Variants in BABAM1 observed in about 807,000 individuals in gnomAD.
BABAM1 encodes the protein BRISC and BRCA1-A complex member 1.
In BABAM1, 14 loss-of-function variants were observed where a neutral mutation model predicts 34.4. That is an observed-to-expected ratio of 0.41 (90% CI 0.27 to 0.64). The LOEUF (loss-of-function observed/expected upper bound fraction) is 0.64, where lower values mean the gene tolerates loss of function less well. Ranked by LOEUF, BABAM1 falls within the 30% of genes least tolerant of loss-of-function variation. The probability of loss-of-function intolerance (pLI) is 0.34; values close to 1 mark genes in which losing one functional copy is unlikely to be tolerated. For missense variants in BABAM1, 393 were observed against 434.0 expected (o/e 0.91, Z 0.84); for synonymous variants, 169 against 165.8 (o/e 1.02, Z -0.15).
chr19:17,274,258 C>CT (rs2073882154), intron 5 of BABAM1, 73 bp downstream of exon 5: 7 of 1,560,100 alleles, frequency 4.5e-6, no homozygotes, highest in Non-Finnish European at 6.1e-6. Context: ...CCAGGAAAGT[C>CT]TAAGTCATGA....
In BABAM1 at chr19:17,279,163, G is replaced by C; in HGVS notation, c.*115G>C. The C allele has an allele frequency of 1.8e-6, 2 of 1,130,306 alleles. No individual in the cohort carries two copies. The highest frequency in any genetic ancestry group is 2.6e-5 in the East Asian group (1 of 38,600). 70.0% of individuals were successfully genotyped at this position (1,130,306 alleles called of 1,614,324 possible). A position where few individuals can be genotyped will look rare whatever the true frequency, so the allele number is the denominator to read the frequency against. ...GTGGGGGGGTTCCAGGAGGCACGTA[G>C]GGTACCTTGCAGGGTCCTAGGAGGG... On this transcript the variant is annotated 3_prime_UTR_variant, in exon 9 of 9. Coordinates refer to ENST00000598188, the MANE Select transcript of BABAM1 (RefSeq NM_014173.4).
At chr19:17,276,996 C>T in intron 8 of BABAM1, 87 bp downstream of exon 8, 7 of 1,290,448 alleles carry the variant, frequency 5.4e-6, no homozygotes, top group Non-Finnish European at 7.5e-6. Context: ...GGGTCTCTAC[C>T]TCCATTTGAT....
chr19:17,278,957 C>T lies in BABAM1; in HGVS notation c.899C>T (p.Ala300Val), dbSNP rs1568337338. ...CACAACTGCATGGCGAAACTGTTGG[C>T]CCACCCCCTGCAGCGGCCTTGCCAG... ...ELHNCMAKLL[A>V]HPLQRPCQSH... The change falls in exon 9 of 9, where the codon GCC (alanine) becomes GTC (valine). Residue 300 changes from alanine (A) to valine (V), a missense_variant. Ala to Val is a moderately conservative substitution (Grantham distance 64). Coordinates refer to ENST00000598188, the MANE Select transcript of BABAM1 (RefSeq NM_014173.4). The T allele has an allele frequency of 6.2e-7, 1 of 1,612,858 alleles. No homozygotes were observed. The highest frequency in any genetic ancestry group is 8.5e-7 in the Non-Finnish European group (1 of 1,179,532).
chr19:17,269,727 AT>A (rs1023530092), intron 2 of BABAM1, among the ~76,000 whole-genome samples: 80 of 137,788 alleles, frequency 5.8e-4, no homozygotes, highest in Admixed American at 5.8e-4. Flanking sequence ...TCTTTGCCCA[AT>A]TTTTTTTTTT....
chr19:17,272,569 T>G (rs943775677), intron 3 of BABAM1, among the ~76,000 whole-genome samples: 6 of 151,784 alleles, frequency 4.0e-5, no homozygotes, highest in Non-Finnish European at 8.8e-5. Context: ...CACGCCTGGC[T>G]AATTTTTTTG....
intron 3 of BABAM1, among the ~76,000 whole-genome samples, chr19:17,273,484 T>C (rs977531508): frequency 2.0e-5 from 3 of 151,600 alleles, no homozygotes; most frequent in Admixed American, 1.3e-4. Flanking sequence ...ACCCCTGCAG[T>C]ATGACCTATA....
At chr19:17,269,159 A>T in intron 2 of BABAM1, 68 bp downstream of exon 2, 2 of 1,450,918 alleles carry the variant, frequency 1.4e-6, no homozygotes, top group Non-Finnish European at 1.8e-6. Flanking sequence ...TTTGGGATTA[A>T]CACTGCAAAC....
At chr19:17,269,171 T>C in intron 2 of BABAM1, 80 bp downstream of exon 2, 1 of 1,420,130 alleles carries the variant, frequency 7.0e-7, no homozygotes, top group Non-Finnish European at 9.3e-7. Flanking sequence ...ACTGCAAACA[T>C]TCCCTTTGTA....
chr19:17,273,555 G>GT (rs1555716572), intron 3 of BABAM1, among the ~76,000 whole-genome samples: 5 of 13,228 alleles, frequency 3.8e-4, no homozygotes, highest in Non-Finnish European at 9.5e-4. Context: ...GTTTTTTTTT[G>GT]TTTGTTTTGT....
At position 17,276,873 on chromosome 19, in the gene BABAM1, T is replaced by C. The variant is rs1177155676; in HGVS notation, c.750T>C (p.Asn250=). 1 of 1,603,940 alleles carries C rather than the reference T, an allele frequency of 6.2e-7. No individual in the cohort carries two copies. Among genetic ancestry groups the C allele is most frequent in the East Asian group, 2.2e-5 (1 of 44,594 alleles). The change falls in exon 8 of 9, where the codon AAT becomes AAC. Residue 250 remains asparagine (N), a synonymous_variant. Coordinates refer to ENST00000598188, the MANE Select transcript of BABAM1 (RefSeq NM_014173.4). ...TCTTTGACGTTGTTTACATCCACAA[T>C]GGCACTGAGGAGAAGGAGGAGGAGA... ...YFFFDVVYIH[N]GTEEKEEEMS...
chr19:17,277,035 A>G (rs2073917839), intron 8 of BABAM1, 126 bp downstream of exon 8: 2 of 885,652 alleles, frequency 2.3e-6, no homozygotes, highest in African/African-American at 3.4e-5. Flanking sequence ...GGGGTAGGTC[A>G]TGGCATTGGT....
intron 2 of BABAM1, among the ~76,000 whole-genome samples, chr19:17,271,189 C>T (rs891978398): frequency 5.3e-5 from 8 of 152,020 alleles, no homozygotes; most frequent in African/African-American, 1.9e-4. Context: ...GGGGTTTCAC[C>T]ATGTTGGCCA....
At chr19:17,273,194 C>A (rs10402468) in intron 3 of BABAM1, among the ~76,000 whole-genome samples, 24,282 of 152,068 alleles carry the variant, frequency 0.16, 2,126 homozygotes, top group Non-Finnish European at 0.19. Flanking sequence ...GCCTGGCTGG[C>A]CCTGAAGCCC....
In BABAM1 at chr19:17,278,938, T is replaced by C; in HGVS notation, c.880T>C (p.Cys294Arg). The C allele has an allele frequency of 6.2e-7, 1 of 1,613,342 alleles. No individual in the cohort carries two copies. Among genetic ancestry groups the C allele is most frequent in the Non-Finnish European group, 8.5e-7 (1 of 1,179,718 alleles). Residue 294 changes from cysteine to arginine, a missense_variant, in exon 9 of 9, where the codon TGC (cysteine) becomes CGC (arginine). Cys to Arg is a radical substitution (Grantham distance 180). Coordinates refer to ENST00000598188, the MANE Select transcript of BABAM1 (RefSeq NM_014173.4). ...TGGGCCAGCCCTGGAGTTGCACAAC[T>C]GCATGGCGAAACTGTTGGCCCACCC... ...LAGPALELHN[C>R]MAKLLAHPLQ...
At chr19:17,273,571 T>TTGTTTTG (rs2073871011) in intron 3 of BABAM1, among the ~76,000 whole-genome samples, 1 of 123,872 alleles carries the variant, frequency 8.1e-6, no homozygotes, top group African/African-American at 3.2e-5. Flanking sequence ...TTTGTTTTTT[T>TTGTTTTG]TTTTTTTTTT....
intron 1 of BABAM1, 67 bp downstream of exon 1, chr19:17,267,594 C>G (rs1282573446): frequency 6.6e-6 from 1 of 152,280 alleles, no homozygotes; most frequent in Non-Finnish European, 1.5e-5. Flanking sequence ...AGAGATCCAG[C>G]TCCTCGCCTT....
intron 8 of BABAM1, 196 bp downstream of exon 8, chr19:17,277,105 G>A (rs2073918771): frequency 1.0e-5 from 6 of 581,518 alleles, no homozygotes; most frequent in East Asian, 2.9e-5. Flanking sequence ...CCATTGGGAC[G>A]ATGGTCCAGG....
At chr19:17,273,609 G>A (rs1377956589) in intron 3 of BABAM1, among the ~76,000 whole-genome samples, 5 of 141,506 alleles carry the variant, frequency 3.5e-5, no homozygotes, top group Admixed American at 7.7e-5. Context: ...TGTCGCCCAG[G>A]CTGGACTGCA....
At chr19:17,277,192 CT>C (rs1316195277) in intron 8 of BABAM1, 1 of 297,458 alleles carries the variant, frequency 3.4e-6, no homozygotes, top group African/African-American at 2.6e-5. Flanking sequence ...GCTTGCTTTT[CT>C]TTCTTCTTCT....
Sources: allele counts gnomAD v4.1 joint callset (sites outside exome capture counted in the v4.1 genomes callset), GRCh38; gene constraint gnomAD v4.1.1; transcripts MANE v1.5; gene names NCBI Gene and HGNC (gene_info 2026-07-23, HGNC 2026-07-21).